KIAA1217: variants seen among roughly 807,000 people sequenced by gnomAD.
KIAA1217 encodes KIAA1217.
Under a neutral mutation model 163.9 loss-of-function variants are expected in KIAA1217, and 88 were observed. That is an observed-to-expected ratio of 0.54 (90% confidence interval 0.45 to 0.64). KIAA1217 has a LOEUF of 0.64. Among genes scored for constraint, KIAA1217 ranks in the 30% least tolerant of loss-of-function variants. The probability of loss-of-function intolerance (pLI) is 0.00; values close to 1 mark genes in which losing one functional copy is unlikely to be tolerated. For synonymous variants in KIAA1217, 903 were observed against 923.1 expected (o/e 0.98, Z 0.39); for missense variants, 2,372 against 2,475.0 (o/e 0.96, Z 0.88).
At chr10:24,016,861 CG>C (rs1250910292) in intron 2 of KIAA1217, among the ~76,000 whole-genome samples, 3 of 151,656 alleles carry the variant, frequency 2.0e-5, no homozygotes, top group African/African-American at 7.3e-5. Context: ...TTAAAAAAAA[CG>C]TGCAGTGAGC....
chr10:24,429,519 G>T (rs897074272), intron 3 of KIAA1217, among the ~76,000 whole-genome samples: 1 of 151,142 alleles, frequency 6.6e-6, no homozygotes, highest in Non-Finnish European at 1.5e-5. Context: ...TCTTTTTTTC[G>T]GAGGGGAGGT....
At chr10:24,496,472 C>G (rs1004588220) in intron 8 of KIAA1217, among the ~76,000 whole-genome samples, 1 of 152,242 alleles carries the variant, frequency 6.6e-6, no homozygotes, top group Non-Finnish European at 1.5e-5. Context: ...ATAATCCATT[C>G]TAGAAATGAT....
chr10:24,092,583 G>C (rs1175292781), intron 2 of KIAA1217, among the ~76,000 whole-genome samples: 2 of 151,720 alleles, frequency 1.3e-5, no homozygotes, highest in African/African-American at 2.4e-5. Flanking sequence ...GGAAAGGACT[G>C]AACTGTTCAC....
In KIAA1217 at chr10:24,365,372, C is replaced by T. The variant is rs533799732; in HGVS notation, c.355-15497C>T. Among the ~76,000 whole-genome samples the T allele has an allele frequency of 8.0e-5, 12 of 150,668 alleles. 1 individual carries two copies. In the South Asian group the frequency reaches 2.3e-3, roughly 29 times the overall value. ...TCCCGCAGCCGGTGTTACTTATCAT[C>T]GCTCTGTGATTTTCTGTGCTTTTTT... On this transcript the variant is annotated intron_variant, in intron 2 of 20. Transcript: ENST00000376454.
At chr10:24,443,829 GA>G (rs901910014) in intron 5 of KIAA1217, among the ~76,000 whole-genome samples, 3 of 151,922 alleles carry the variant, frequency 2.0e-5, no homozygotes, top group African/African-American at 7.3e-5. Flanking sequence ...TAAATGACAT[GA>G]AAAATGGGAC....
At chr10:24,429,776 G>A (rs918533633) in intron 3 of KIAA1217, among the ~76,000 whole-genome samples, 10 of 152,090 alleles carry the variant, frequency 6.6e-5, no homozygotes, top group African/African-American at 2.4e-4. Flanking sequence ...TTGTAATTTT[G>A]GGAAGTTTTA....
At chr10:24,056,998 C>T (rs1423979258) in intron 2 of KIAA1217, among the ~76,000 whole-genome samples, 1 of 151,756 alleles carries the variant, frequency 6.6e-6, no homozygotes, top group Non-Finnish European at 1.5e-5. Context: ...CTTTAAAAAA[C>T]AATTTTGGCT....
intron 1 of KIAA1217, among the ~76,000 whole-genome samples, chr10:23,884,761 T>C (rs554173385): frequency 1.3e-4 from 19 of 151,944 alleles, no homozygotes; most frequent in Non-Finnish European, 2.8e-4. Context: ...TTAGAGGAAT[T>C]ATTCCTGCAG....
rs966702749 is a variant in KIAA1217, at chr10:24,180,702, A to G, written c.-170-38924A>G. On this transcript the variant is annotated intron_variant, in intron 2 of 18. Transcript: ENST00000376462. ...TTCCTTCCAAATGTTTTGAAGACACATATCATTGTCTGAGGAATTAATTTG... is the reference window on the plus strand; with the variant it reads ...TTCCTTCCAAATGTTTTGAAGACACGTATCATTGTCTGAGGAATTAATTTG... Among the ~76,000 whole-genome samples the G allele has an allele frequency of 8.5e-5, 13 of 152,330 alleles. No individual in the cohort carries two copies. In the East Asian group the frequency reaches 9.6e-4, roughly 11 times the overall value.
intron 2 of KIAA1217, among the ~76,000 whole-genome samples, chr10:24,340,551 CTA>C (rs1175730816): frequency 6.6e-6 from 1 of 152,112 alleles, no homozygotes; most frequent in Non-Finnish European, 1.5e-5. Flanking sequence ...TGAAAACAAA[CTA>C]ATACAGCCGG....
At chr10:24,340,747 C>A (rs1207243928) in intron 2 of KIAA1217, among the ~76,000 whole-genome samples, 2 of 152,196 alleles carry the variant, frequency 1.3e-5, no homozygotes, top group Non-Finnish European at 2.9e-5. Flanking sequence ...ACAGAAAGAA[C>A]CGTCTAGACA....
intron 1 of KIAA1217, among the ~76,000 whole-genome samples, chr10:23,981,065 C>T (rs1271690008): frequency 6.6e-6 from 1 of 152,110 alleles, no homozygotes; most frequent in African/African-American, 2.4e-5. Flanking sequence ...CGTATTTGCA[C>T]CAAAGCAGAG....
At chr10:24,009,616 G>A (rs894516131) in intron 2 of KIAA1217, among the ~76,000 whole-genome samples, 2 of 152,112 alleles carry the variant, frequency 1.3e-5, no homozygotes, top group Admixed American at 6.5e-5. Context: ...CCATGCATGG[G>A]GTTGACCTGT....
chr10:24,280,589 A>C (rs932167876), intron 2 of KIAA1217, among the ~76,000 whole-genome samples: 8 of 152,138 alleles, frequency 5.3e-5, no homozygotes, highest in Non-Finnish European at 1.2e-4. Flanking sequence ...AGGCGGGTGG[A>C]TTGCGAGGTC....
intron 1 of KIAA1217, among the ~76,000 whole-genome samples, chr10:23,699,163 G>A (rs1030850064): frequency 3.9e-5 from 6 of 152,312 alleles, no homozygotes; most frequent in Non-Finnish European, 4.4e-5. Context: ...GTCCTTCTGA[G>A]GACAGGGCAG....
intron 3 of KIAA1217, among the ~76,000 whole-genome samples, chr10:24,401,184 AAT>A (rs113096628): frequency 0.17 from 24,376 of 146,842 alleles, 6,359 homozygotes; most frequent in African/African-American, 0.56. Context: ...ACCATCAACC[AAT>A]ATATATATAT....
At chr10:23,867,702 G>GT (rs1344517584) in intron 1 of KIAA1217, among the ~76,000 whole-genome samples, 6 of 151,812 alleles carry the variant, frequency 4.0e-5, no homozygotes, top group Admixed American at 1.3e-4. Flanking sequence ...GGGGTTGTTT[G>GT]TTTTTTTTCT....
chr10:24,032,410 G>T (rs1188958204), intron 2 of KIAA1217, among the ~76,000 whole-genome samples: 1 of 151,992 alleles, frequency 6.6e-6, no homozygotes, highest in Non-Finnish European at 1.5e-5. Flanking sequence ...CTGCTCAGGA[G>T]TAAGTCTTGT....
At chr10:24,224,281 CT>C (rs2070134914) in intron 2 of KIAA1217, among the ~76,000 whole-genome samples, 1 of 152,160 alleles carries the variant, frequency 6.6e-6, no homozygotes, top group Admixed American at 6.5e-5. Context: ...AGGATCCAGC[CT>C]TCACAATATG....
Sources: allele counts gnomAD v4.1 joint callset (sites outside exome capture counted in the v4.1 genomes callset), GRCh38; gene constraint gnomAD v4.1.1; transcripts MANE v1.5; gene names NCBI Gene and HGNC (gene_info 2026-07-23, HGNC 2026-07-21).